Variants in PSMA3 observed in about 807,000 individuals in gnomAD.
PSMA3 encodes proteasome subunit alpha type-3.
PSMA3 carries 8 observed loss-of-function variants against 40.0 expected under a neutral mutation model. The ratio of observed to expected loss-of-function variants is 0.20; its 90% CI spans 0.12 to 0.36. PSMA3 has a LOEUF of 0.36. Ranked by LOEUF, PSMA3 falls within the 10% of genes least tolerant of loss-of-function variation. The pLI, the probability that PSMA3 is intolerant of heterozygous loss-of-function variation, is 1.00. For synonymous variants in PSMA3, 110 were observed against 100.0 expected (o/e 1.10, Z -0.59); for missense variants, 219 against 310.6 (o/e 0.70, Z 2.22).
chr14:58,256,401 TCTA>T (rs1404026166), intron 3 of PSMA3, among the ~76,000 whole-genome samples: 1 of 151,686 alleles, frequency 6.6e-6, no homozygotes, highest in Admixed American at 6.6e-5. Flanking sequence ...TCCAAAAAGC[TCTA>T]CTGAGCATTT....
chr14:58,256,377 C>G lies in PSMA3; in HGVS notation c.229-1368C>G, dbSNP rs144564418. Among the ~76,000 whole-genome samples the G allele has an allele frequency of 2.7e-5, 4 of 150,918 alleles. No homozygotes were observed. The East Asian group carries it at 7.8e-4, about 29-fold the overall frequency. On this transcript the variant is annotated intron_variant, in intron 3 of 10. Coordinates refer to ENST00000216455, the MANE Select transcript of PSMA3 (RefSeq NM_002788.4). ...TACTCATCAGCTGAGCATCCTTAAT[C>G]TGAAAATTCAAAATCCAAAAAGCTC...
At chr14:58,257,219 C>T (rs114562337) in intron 3 of PSMA3, among the ~76,000 whole-genome samples, 5 of 151,838 alleles carry the variant, frequency 3.3e-5, no homozygotes, top group South Asian at 2.1e-4. Context: ...GAATATTGGC[C>T]GGGCACGGTG....
chr14:58,247,901 T>C, intron 2 of PSMA3, 69 bp downstream of exon 2: 1 of 1,037,864 alleles, frequency 9.6e-7, no homozygotes, highest in South Asian at 1.5e-5. Context: ...TTAGGCTTTG[T>C]TATGTTACTT....
At chr14:58,244,963 G>GT in intron 1 of PSMA3, 22 bp downstream of exon 1, 3 of 1,614,184 alleles carry the variant, frequency 1.9e-6, no homozygotes, top group Non-Finnish European at 2.5e-6. Context: ...GTCTGTCGGT[G>GT]TAATAGTTTA....
intron 8 of PSMA3, chr14:58,270,198 G>A (rs1890573395): frequency 1.7e-6 from 1 of 601,014 alleles, no homozygotes; most frequent in Non-Finnish European, 2.6e-6. Flanking sequence ...GGGTTGATTA[G>A]GTATATTCAA....
intron 3 of PSMA3, among the ~76,000 whole-genome samples, chr14:58,256,358 T>C (rs756613158): frequency 2.2e-4 from 33 of 152,138 alleles, no homozygotes; most frequent in Non-Finnish European, 2.1e-4. Flanking sequence ...TATATACTCA[T>C]CAGCTGAGCA....
At chr14:58,246,092 G>T (rs879742158) in intron 1 of PSMA3, among the ~76,000 whole-genome samples, 1 of 152,178 alleles carries the variant, frequency 6.6e-6, no homozygotes, top group Non-Finnish European at 1.5e-5. Flanking sequence ...TAATGATCTG[G>T]GTTTAACAGA....
At chr14:58,270,870 A>G in intron 9 of PSMA3, 64 bp from the exon 10 acceptor site, 3 of 1,340,630 alleles carry the variant, frequency 2.2e-6, no homozygotes, top group Non-Finnish European at 3.1e-6. Flanking sequence ...ATCCTATGGT[A>G]TACTGCAAGT....
At chr14:58,267,281 C>A in intron 7 of PSMA3, 193 bp from the exon 8 acceptor site, 1 of 1,035,296 alleles carries the variant, frequency 9.7e-7, no homozygotes, top group Non-Finnish European at 1.2e-6. Context: ...GGATTACAGG[C>A]ACAAGCCACT....
At chr14:58,252,041 T>A in intron 2 of PSMA3, 78 bp from the exon 3 acceptor site, 1 of 1,446,716 alleles carries the variant, frequency 6.9e-7, no homozygotes, top group Non-Finnish European at 9.3e-7. Context: ...TTACTTATTT[T>A]GTTTTTTTGT....
At chr14:58,268,223 G>A (rs190653980) in intron 8 of PSMA3, 3 of 152,214 alleles carry the variant, frequency 2.0e-5, no homozygotes, top group South Asian at 2.1e-4. Flanking sequence ...AACAAAATAC[G>A]TTGTGTAGCC....
chr14:58,247,672 C>T, intron 1 of PSMA3, 78 bp from the exon 2 acceptor site: 1 of 938,866 alleles, frequency 1.1e-6, no homozygotes, highest in Non-Finnish European at 1.7e-6. Flanking sequence ...CCTGATGTTT[C>T]AGCCATTTAG....
chr14:58,250,662 T>C (rs1227255917), intron 2 of PSMA3, among the ~76,000 whole-genome samples: 1 of 152,208 alleles, frequency 6.6e-6, no homozygotes, highest in East Asian at 1.9e-4. Flanking sequence ...GTTGTTCATT[T>C]TTCTGGGAGG....
intron 3 of PSMA3, among the ~76,000 whole-genome samples, chr14:58,257,383 A>G (rs953561110): frequency 1.3e-4 from 20 of 152,048 alleles, no homozygotes; most frequent in Non-Finnish European, 2.6e-4. Flanking sequence ...CTGTAGTCCC[A>G]GCTACTCAGG....
chr14:58,246,363 T>C (rs1254300049), intron 1 of PSMA3, among the ~76,000 whole-genome samples: 2 of 152,210 alleles, frequency 1.3e-5, no homozygotes, highest in Non-Finnish European at 2.9e-5. Flanking sequence ...CTTTTTTTAC[T>C]TTACTCCCAG....
chr14:58,247,333 C>A (rs569936986), intron 1 of PSMA3, among the ~76,000 whole-genome samples: 2 of 152,086 alleles, frequency 1.3e-5, no homozygotes, highest in African/African-American at 2.4e-5. Flanking sequence ...CTTTGTATTC[C>A]GTATAGTAAC....
rs746242253 is a variant in PSMA3 at position 58,257,861 on chromosome 14, T to C, written c.330+15T>C. 2.5e-6 allele frequency: 4 copies of C among 1,612,388 alleles called. No individual in the cohort carries two copies. In the Admixed American group the frequency reaches 6.7e-5, roughly 27 times the overall value. ...TTCCACTAAAAGTAAGTTGATAACA[T>C]ATTGAGGAACCTTTTGGACAGTAAT... is the stretch of plus-strand genomic sequence containing the variant. On this transcript the variant is annotated intron_variant, in intron 4 of 10. Transcript: ENST00000216455.
chr14:58,254,349 T>TATGTATGTAC (rs1555352278), intron 3 of PSMA3, among the ~76,000 whole-genome samples: 7 of 133,276 alleles, frequency 5.3e-5, no homozygotes, highest in Non-Finnish European at 9.5e-5. Context: ...TATATGTATG[T>TATGTATGTAC]ACACACACAC....
intron 3 of PSMA3, among the ~76,000 whole-genome samples, chr14:58,257,446 G>A (rs746777169): frequency 1.1e-4 from 17 of 151,952 alleles, no homozygotes; most frequent in Admixed American, 2.6e-4. Context: ...TGAAGTGAGC[G>A]GAGATCATGC....
Sources: gnomAD v4.1 joint callset for allele counts (sites outside exome capture counted in the v4.1 genomes callset) on GRCh38, gnomAD v4.1.1 for gene constraint, MANE v1.5 for transcripts, NCBI Gene and HGNC (gene_info 2026-07-23, HGNC 2026-07-21) for gene names.